Variants in DNAH1 observed in about 807,000 individuals in gnomAD.
The protein encoded by DNAH1 is dynein axonemal heavy chain 1, also known as axonemal beta dynein heavy chain 1.
Under a neutral mutation model 484.3 loss-of-function variants are expected in DNAH1, and 327 were observed. The ratio of observed to expected loss-of-function variants is 0.68; its 90% CI spans 0.62 to 0.74. The LOEUF (loss-of-function observed/expected upper bound fraction) is 0.74. DNAH1 is among the 30% of genes least tolerant of loss of function. The probability of loss-of-function intolerance (pLI) is 0.00; values close to 1 mark genes in which losing one functional copy is unlikely to be tolerated. For missense variants in DNAH1, 5,052 were observed against 5,546.8 expected, an observed-to-expected ratio of 0.91 and a Z score of 2.83; for synonymous variants, 2,192 against 2,191.9, an observed-to-expected ratio of 1.00 and a Z score of 0.00.
At chr3:52,357,546 G>A in intron 22 of DNAH1, 68 bp from the exon 23 acceptor site, 1 of 1,551,862 alleles carries the variant, frequency 6.4e-7, no homozygotes. Flanking sequence ...GGGTGCTCTG[G>A]GATGAGCCTA....
Position 52,396,381 on chromosome 3 carries a change from TC to T in DNAH1, c.11275del (p.Arg3759AlafsTer23), listed in dbSNP as rs768603294. ...CATGGCCACCAGGTACACAGGGACT[TC>T]CGCCTCTGGCTCACCAGCCTGCCCA... is the stretch of plus-strand genomic sequence containing the variant. ...HINPDKVHRD[F>X]RLWLTSLPSN... On this transcript the variant is annotated frameshift_variant, in exon 71 of 78. Coordinates refer to ENST00000420323, the MANE Select transcript of DNAH1 (RefSeq NM_015512.5). LOFTEE classifies it high-confidence loss of function. The T allele has an allele frequency of 5.1e-6, 8 of 1,578,052 alleles. No individual in the cohort carries two copies. The Admixed American group carries it at 7.3e-5, about 14-fold the overall frequency.
chr3:52,370,402 A>G, intron 39 of DNAH1, 75 bp from the exon 40 acceptor site: 1 of 1,594,722 alleles, frequency 6.3e-7, no homozygotes, highest in East Asian at 2.2e-5. Context: ...AGGTCAAGAC[A>G]TGCCCCTGCC....
Position 52,362,384 on chromosome 3 carries a change from G to A in DNAH1, c.4981-4G>A. On this transcript the variant is annotated splice_polypyrimidine_tract_variant and splice_region_variant and intron_variant, in intron 30 of 77. Coordinates refer to ENST00000420323, the MANE Select transcript of DNAH1 (RefSeq NM_015512.5). The surrounding 1 kb of genome is among the most constrained non-coding windows in gnomAD (Gnocchi z 5.1). ...CCAGGCAAGTCAGCCTCTCCCCACTGCAGGTGGAACGCTTCATGTTTGAGG... is the reference window on the plus strand; with the variant it reads ...CCAGGCAAGTCAGCCTCTCCCCACTACAGGTGGAACGCTTCATGTTTGAGG... 1 of 1,612,818 alleles carries A rather than the reference G, an allele frequency of 6.2e-7. No individual in the cohort carries two copies. Among genetic ancestry groups the A allele is most frequent in the Non-Finnish European group, 8.5e-7 (1 of 1,179,424 alleles).
intron 8 of DNAH1, among the ~76,000 whole-genome samples, chr3:52,334,854 G>GTTT (rs35616652): frequency 7.0e-6 from 1 of 142,030 alleles, no homozygotes; most frequent in Admixed American, 7.1e-5. Context: ...CTTTCTTTCT[G>GTTT]TTTTTTTTTT....
Position 52,398,855 on chromosome 3 carries a change from A to G in DNAH1, c.12095A>G (p.Asn4032Ser), listed in dbSNP as rs759427194. The change falls in exon 76 of 78, where the codon AAT (asparagine) becomes AGT (serine). Residue 4032 changes from asparagine to serine, a missense_variant. By Grantham distance (46) the Asn-to-Ser change is conservative. Around this residue, in one of 4 missense-constraint regions of DNAH1, gnomAD observed 853 missense variants for 899.0 expected, o/e 0.95. Transcript: ENST00000420323. ...TCTTGCCACTGGCCTCACAGGTACA[A>G]TCGGCTGCTGCAGGTGATCACACAG... ...TVLVQEVIRY[N>S]RLLQVITQTL... 2.3e-5 allele frequency: 35 copies of G among 1,540,862 alleles called. No homozygotes were observed. The highest frequency in any genetic ancestry group is 3.0e-5 in the Non-Finnish European group (34 of 1,140,768).
intron 66 of DNAH1, 106 bp from the exon 67 acceptor site, chr3:52,394,359 G>A: frequency 1.8e-6 from 2 of 1,094,876 alleles, no homozygotes; most frequent in Non-Finnish European, 2.6e-6. Flanking sequence ...GGGAGACTCA[G>A]TTTCTCCAGG....
Position 52,398,945 on chromosome 3 carries a change from T to C in DNAH1, c.12185T>C (p.Met4062Thr), listed in dbSNP as rs768008571. 6.2e-6 allele frequency: 10 copies of C among 1,613,436 alleles called. No individual in the cohort carries two copies. Among genetic ancestry groups the C allele is most frequent in the Non-Finnish European group, 8.5e-6 (10 of 1,179,578 alleles). ...GTGATGTCCTCTCAGCTGGAGCTGA[T>C]GGCTGCCAGCCTGTACAACAATACT... ...LVVMSSQLEL[M>T]AASLYNNTVP... is the part of the protein sequence containing the mutation. Residue 4062 changes from methionine (M) to threonine (T), a missense_variant, in exon 76 of 78, where the codon ATG becomes ACG. Transcript: ENST00000420323.
At chr3:52,313,520 C>T (rs1700859540), upstream of DNAH1, among the ~76,000 whole-genome samples, 1 of 152,176 alleles carries the variant, frequency 6.6e-6, no homozygotes, top group African/African-American at 2.4e-5. Flanking sequence ...CCCCTCCTTT[C>T]TTGCCACCTC....
At chr3:52,385,088 G>A (rs1427757232) in intron 53 of DNAH1, 111 bp downstream of exon 53, 5 of 1,319,568 alleles carry the variant, frequency 3.8e-6, no homozygotes, top group Non-Finnish European at 4.1e-6. Flanking sequence ...TGCAGCCCAC[G>A]ACGTTGAAGT....
intron 76 of DNAH1, 108 bp from the exon 77 acceptor site, chr3:52,399,437 G>GGGCAGGCA: frequency 9.5e-7 from 1 of 1,057,876 alleles, no homozygotes; most frequent in East Asian, 2.6e-5. Context: ...ACGTGATGAT[G>GGGCAGGCA]GGCAGGCAGG....
rs71297396 is a variant in DNAH1 at position 52,378,445 on chromosome 3, C to T, written c.7199-157C>T. On this transcript the variant is annotated intron_variant, in intron 46 of 77. Transcript: ENST00000420323. ...TCACCTCCCCCAAGCTGGGGGCATCCGAGATGGGGCCAAAGGGTACGTGGA... is the reference window on the plus strand; with the variant it reads ...TCACCTCCCCCAAGCTGGGGGCATCTGAGATGGGGCCAAAGGGTACGTGGA... Among the ~76,000 whole-genome samples the T allele has an allele frequency of 0.04, 5,931 of 149,242 alleles. 158 individuals carry two copies. The highest frequency in any genetic ancestry group is 0.05 in the Non-Finnish European group (3,365 of 67,352).
intron 44 of DNAH1, chr3:52,374,692 C>G: frequency 7.1e-7 from 1 of 1,417,466 alleles, no homozygotes; most frequent in Non-Finnish European, 1.0e-6. Flanking sequence ...TACCACAACT[C>G]AAAGACCCAT....
rs1199797053 is a variant in DNAH1 at position 52,362,984 on chromosome 3, G to C, written c.5095-11G>C. ...TCTGTTTGCTGTTCACATGTGCACTGTGTGTCCCAGGCGCTCTTCCGACCC... is the reference window on the plus strand; with the variant it reads ...TCTGTTTGCTGTTCACATGTGCACTCTGTGTCCCAGGCGCTCTTCCGACCC... On this transcript the variant is annotated splice_polypyrimidine_tract_variant and intron_variant, in intron 31 of 77. Transcript: ENST00000420323. The surrounding 1 kb of genome is among the most constrained non-coding windows in gnomAD (Gnocchi z 5.1). 1 of 1,613,362 alleles carries C rather than the reference G, an allele frequency of 6.2e-7. No individual in the cohort carries two copies. The highest frequency in any genetic ancestry group is 8.5e-7 in the Non-Finnish European group (1 of 1,179,746).
chr3:52,340,262 G>A (rs935895548), intron 8 of DNAH1, among the ~76,000 whole-genome samples: 3 of 150,384 alleles, frequency 2.0e-5, no homozygotes, highest in Admixed American at 6.6e-5. Flanking sequence ...TTTATTTTTT[G>A]TAGAGATGGG....
chr3:52,349,285 G>T lies in DNAH1; in HGVS notation c.2391G>T (p.Leu797=). ...AGAAGGAGATCCTGGACAGCTCGCTGCCCAGCAGCATCATCATTGGGCCTT... is the reference window on the plus strand; with the variant it reads ...AGAAGGAGATCCTGGACAGCTCGCTTCCCAGCAGCATCATCATTGGGCCTT... ...LREKEILDSS[L]PSSIIIGPFY... The change falls in exon 14 of 78, where the codon CTG becomes CTT. Residue 797 remains leucine (L), a synonymous_variant. Coordinates refer to ENST00000420323, the MANE Select transcript of DNAH1 (RefSeq NM_015512.5). 1.2e-6 allele frequency: 2 copies of T among 1,614,030 alleles called. No homozygotes were observed. The highest frequency in any genetic ancestry group is 1.7e-6 in the Non-Finnish European group (2 of 1,179,894).
Position 52,353,882 on chromosome 3 carries a change from C to CT in DNAH1, c.3480+249_3480+250insT. 3.8e-6 allele frequency: 2 copies of CT among 526,716 alleles called. No individual in the cohort carries two copies. Among genetic ancestry groups the CT allele is most frequent in the East Asian group, 3.6e-5 (1 of 27,856 alleles). The allele number at this position is 526,716 out of a possible 1,614,324, so 32.6% of individuals were successfully genotyped here. On this transcript the variant is annotated intron_variant, in intron 20 of 77. Transcript: ENST00000420323. This position sits in a 1 kb window ranked among gnomAD's most constrained non-coding sequence, Gnocchi z 5.0. The stretch of plus-strand genomic sequence containing the variant: ...AAGAGCCCCAGGAAGGAGCTAATAG[C>CT]ATTAGCCTCAATTTAACAGATGTGT...
chr3:52,353,088 C>T lies in DNAH1; in HGVS notation c.3028-15C>T. ...GTCCCAAGACAGCCCCAGCCCTGCC[C>T]TCCTGTCCCTGCAGTATGACAAGCT... On this transcript the variant is annotated splice_polypyrimidine_tract_variant and intron_variant, in intron 18 of 77. Coordinates refer to ENST00000420323, the MANE Select transcript of DNAH1 (RefSeq NM_015512.5). This position sits in a 1 kb window ranked among gnomAD's most constrained non-coding sequence, Gnocchi z 5.0. 6.2e-7 allele frequency: 1 copy of T among 1,607,328 alleles called. No homozygotes were observed. Among genetic ancestry groups the T allele is most frequent in the Non-Finnish European group, 8.5e-7 (1 of 1,176,064 alleles).
At position 52,366,765 on chromosome 3, in the gene DNAH1, A is replaced by G; in HGVS notation, c.5643A>G (p.Ser1881=). The G allele has an allele frequency of 6.2e-7, 1 of 1,613,164 alleles. No homozygotes were observed. The highest frequency in any genetic ancestry group is 8.5e-7 in the Non-Finnish European group (1 of 1,179,630). The stretch of plus-strand genomic sequence containing the variant: ...GAGTCCTGGCAGCTGCCATGACGTC[A>G]CTGAAAGGGCAGCCATCCATCAGTG... The part of the protein sequence containing the change: ...CYRVLAAAMT[S]LKGQPSISGG... Residue 1881 remains serine (S), a synonymous_variant, in exon 36 of 78, where the codon TCA becomes TCG. Coordinates refer to ENST00000420323, the MANE Select transcript of DNAH1 (RefSeq NM_015512.5).
Position 52,346,567 on chromosome 3 carries a change from C to A in DNAH1, c.1752C>A (p.Tyr584Ter). 1.2e-6 allele frequency: 2 copies of A among 1,614,036 alleles called. No individual in the cohort carries two copies. Among genetic ancestry groups the A allele is most frequent in the Non-Finnish European group, 1.7e-6 (2 of 1,179,878 alleles). The stretch of plus-strand genomic sequence containing the variant: ...TGAGCAAGGGCTGGTACAACCTCTA[C>A]GAGACCAACTGGGAGGTGTACCTCA... ...RDMSKGWYNLYETNWEVYLMS... is the reference protein window; with the variant it reads ...RDMSKGWYNL The change falls in exon 11 of 78, where the codon TAC (tyrosine) becomes TAA (stop). Residue 584 changes from tyrosine to a stop codon, truncating the protein, a stop_gained. Transcript: ENST00000420323. LOFTEE classifies it high-confidence loss of function.
Sources: allele counts gnomAD v4.1 joint callset (sites outside exome capture counted in the v4.1 genomes callset), GRCh38; gene constraint gnomAD v4.1.1; regional missense constraint gnomAD v4.1.1; non-coding constraint Gnocchi (gnomAD v3.1); transcripts MANE v1.5; gene names NCBI Gene and HGNC (gene_info 2026-07-23, HGNC 2026-07-21).